The following BCL2 variants were observed in gnomAD, a reference collection of about 807,000 sequenced individuals.
BCL2 encodes BCL2 apoptosis regulator, also known as apoptosis regulator Bcl-2.
In BCL2, 1 loss-of-function variant was observed where a neutral mutation model predicts 14.2. That is an observed-to-expected ratio of 0.07 (90% CI 0.02 to 0.33). BCL2 has a LOEUF of 0.33. BCL2 is among the 10% of genes least tolerant of loss of function. BCL2 has a pLI of 0.99. For synonymous variants in BCL2, 151 were observed against 137.2 expected, an observed-to-expected ratio of 1.10 and a Z score of -0.70; for missense variants, 247 against 305.9, an observed-to-expected ratio of 0.81 and a Z score of 1.44.
chr18:63,128,738 C>T lies in BCL2; in HGVS notation c.607G>A (p.Gly203Ser), dbSNP rs148811059. 2.3e-4 allele frequency: 181 copies of T among 780,614 alleles called. 1 individual carries two copies. Among genetic ancestry groups the T allele is most frequent in the Non-Finnish European group, 3.3e-4 (138 of 417,976 alleles). 48.4% of individuals were successfully genotyped at this position (780,614 alleles called of 1,614,324 possible). ...GGWDAFVELY[G>S]PSMRPLFDFS... is the part of the protein sequence containing the mutation. ...TCAAACAGAGGCCGCATGCTGGGGCCGTACAGTTCCACAAAGGCATCCTGC... is the reference window on the plus strand; with the variant it reads ...TCAAACAGAGGCCGCATGCTGGGGCTGTACAGTTCCACAAAGGCATCCTGC... Residue 203 changes from glycine to serine, a missense_variant, in exon 3 of 3, where the codon GGC becomes AGC. Physicochemically the swap from Gly to Ser is moderately conservative, Grantham distance 56 (BLOSUM62 0). This residue lies in a region of BCL2 where 36 missense variants were observed against 24.9 expected (regional missense o/e 1.45). Coordinates refer to ENST00000333681, the MANE Select transcript of BCL2 (RefSeq NM_000633.3).
At chr18:63,302,191 G>C (rs527687606) in intron 2 of BCL2, 39 of 264,150 alleles carry the variant, frequency 1.5e-4, no homozygotes, top group African/African-American at 6.2e-4. Flanking sequence ...AAATGAGCTA[G>C]GCGTGCTGGC....
chr18:63,181,973 C>G (rs1243607053), intron 2 of BCL2, among the ~76,000 whole-genome samples: 1 of 152,152 alleles, frequency 6.6e-6, no homozygotes, highest in Non-Finnish European at 1.5e-5. Flanking sequence ...CAGGCACCTG[C>G]TGGGGGGCAC....
intron 2 of BCL2, chr18:63,317,674 A>G (rs939417465): frequency 1.9e-6 from 2 of 1,046,606 alleles, no homozygotes; most frequent in African/African-American, 3.4e-5. Context: ...CAGACTGTCA[A>G]GACCCAACCT....
At chr18:63,157,297 A>G (rs1005354475) in intron 2 of BCL2, among the ~76,000 whole-genome samples, 2 of 152,236 alleles carry the variant, frequency 1.3e-5, no homozygotes, top group Non-Finnish European at 2.9e-5. Context: ...CCTTGTTCCA[A>G]GTGAAGTTAC....
chr18:63,140,927 T>C (rs1914339748), intron 2 of BCL2, among the ~76,000 whole-genome samples: 1 of 152,062 alleles, frequency 6.6e-6, no homozygotes, highest in African/African-American at 2.4e-5. Flanking sequence ...GGCTCACAAG[T>C]GTAATGAGGA....
intron 2 of BCL2, among the ~76,000 whole-genome samples, chr18:63,296,839 A>G (rs778266211): frequency 2.0e-5 from 3 of 152,248 alleles, no homozygotes; most frequent in Non-Finnish European, 4.4e-5. Context: ...ATATAGTAAT[A>G]TCCAACTATG....
At chr18:63,172,668 C>T (rs1383751702) in intron 2 of BCL2, among the ~76,000 whole-genome samples, 2 of 152,156 alleles carry the variant, frequency 1.3e-5, no homozygotes, top group Admixed American at 6.5e-5. Context: ...GTAGTCCCAG[C>T]TACTCGGGAG....
intron 2 of BCL2, among the ~76,000 whole-genome samples, chr18:63,245,580 G>A (rs1298863275): frequency 6.6e-6 from 1 of 152,172 alleles, no homozygotes; most frequent in Non-Finnish European, 1.5e-5. Flanking sequence ...GTGGTTACAG[G>A]AATCTAGACA....
intron 2 of BCL2, among the ~76,000 whole-genome samples, chr18:63,234,119 G>A (rs991018759): frequency 1.3e-4 from 20 of 151,964 alleles, no homozygotes; most frequent in Non-Finnish European, 2.5e-4. Context: ...GGATACATTT[G>A]TAGGATGTGC....
chr18:63,195,031 A>T (rs1909406249), intron 2 of BCL2, among the ~76,000 whole-genome samples: 1 of 152,196 alleles, frequency 6.6e-6, no homozygotes. Context: ...TAGAATTATG[A>T]TTCTAGAATT....
At chr18:63,186,007 G>A (rs1412518771) in intron 2 of BCL2, among the ~76,000 whole-genome samples, 2 of 152,226 alleles carry the variant, frequency 1.3e-5, no homozygotes, top group East Asian at 3.8e-4. Flanking sequence ...ACTCGTAGGG[G>A]AGTGGTTGTT....
intron 2 of BCL2, among the ~76,000 whole-genome samples, chr18:63,175,040 T>C (rs1388193306): frequency 6.6e-6 from 1 of 152,166 alleles, no homozygotes; most frequent in Non-Finnish European, 1.5e-5. Context: ...TACCACATTT[T>C]GTCAAAAGCC....
At chr18:63,290,637 T>C (rs1264516046) in intron 2 of BCL2, among the ~76,000 whole-genome samples, 1 of 152,144 alleles carries the variant, frequency 6.6e-6, no homozygotes, top group African/African-American at 2.4e-5. Flanking sequence ...GGAATTTCAC[T>C]TGAATGAGAT....
At chr18:63,213,582 T>C (rs533196263) in intron 2 of BCL2, among the ~76,000 whole-genome samples, 30 of 105,266 alleles carry the variant, frequency 2.8e-4, no homozygotes, top group African/African-American at 3.0e-5. Flanking sequence ...ACACACACTA[T>C]GAAAATGATG....
chr18:63,197,188 G>A (rs1337153063), intron 2 of BCL2, among the ~76,000 whole-genome samples: 1 of 152,240 alleles, frequency 6.6e-6, no homozygotes, highest in African/African-American at 2.4e-5. Flanking sequence ...GTTTGGGTCT[G>A]TGTAAAGATG....
At chr18:63,275,557 G>T (rs756788288) in intron 2 of BCL2, among the ~76,000 whole-genome samples, 1 of 152,178 alleles carries the variant, frequency 6.6e-6, no homozygotes, top group Non-Finnish European at 1.5e-5. Context: ...TGCCCCGAGT[G>T]TCACGAATAA....
chr18:63,251,360 G>A (rs1911308746), intron 2 of BCL2, among the ~76,000 whole-genome samples: 1 of 152,130 alleles, frequency 6.6e-6, no homozygotes, highest in African/African-American at 2.4e-5. Context: ...AGTCAACCAT[G>A]ACTGTGTAAC....
chr18:63,296,194 A>T (rs886798225), intron 2 of BCL2, among the ~76,000 whole-genome samples: 1 of 152,206 alleles, frequency 6.6e-6, no homozygotes, highest in Non-Finnish European at 1.5e-5. Context: ...TCCATGCATA[A>T]ATTTTAGTGT....
intron 2 of BCL2, among the ~76,000 whole-genome samples, chr18:63,231,438 G>T (rs557568840): frequency 6.6e-6 from 1 of 152,160 alleles, no homozygotes; most frequent in South Asian, 2.1e-4. Context: ...CAAATGATAA[G>T]ATTGTCTACA....
Sources: gnomAD v4.1 joint callset for allele counts (sites outside exome capture counted in the v4.1 genomes callset) on GRCh38, gnomAD v4.1.1 for gene constraint, gnomAD v4.1.1 regional missense constraint, MANE v1.5 for transcripts, NCBI Gene and HGNC (gene_info 2026-07-23, HGNC 2026-07-21) for gene names.